ZFPM2: variants seen among roughly 807,000 people sequenced by gnomAD.
ZFPM2 encodes the protein zinc finger protein, FOG family member 2.
ZFPM2 carries 20 observed loss-of-function variants against 98.6 expected under a neutral mutation model. The observed-to-expected ratio is 0.20, with a 90% CI of 0.14 to 0.29. The LOEUF (loss-of-function observed/expected upper bound fraction) is 0.29, where lower values mean the gene tolerates loss of function less well. Ranked by LOEUF, ZFPM2 falls within the 10% of genes least tolerant of loss-of-function variation. The pLI is 1.00. For missense variants in ZFPM2, 1,310 were observed against 1,388.6 expected (o/e 0.94, Z 0.90); for synonymous variants, 518 against 502.7 (o/e 1.03, Z -0.41).
chr8:105,775,081 A>G (rs1232179517), intron 5 of ZFPM2, among the ~76,000 whole-genome samples: 15 of 150,720 alleles, frequency 1.0e-4, no homozygotes, highest in African/African-American at 3.6e-4. Flanking sequence ...TGGAATTAAA[A>G]AAAAAAAAAA....
intron 5 of ZFPM2, among the ~76,000 whole-genome samples, chr8:105,726,719 C>T (rs1250817766): frequency 6.6e-6 from 1 of 151,654 alleles, no homozygotes; most frequent in Non-Finnish European, 1.5e-5. Flanking sequence ...CTTAAGTTTC[C>T]AATGGATGGT....
chr8:105,347,420 C>A (rs1357258995), intron 1 of ZFPM2, among the ~76,000 whole-genome samples: 3 of 152,020 alleles, frequency 2.0e-5, no homozygotes, highest in Non-Finnish European at 2.9e-5. Flanking sequence ...TATCCATAAA[C>A]CTTAATGTGA....
intron 3 of ZFPM2, among the ~76,000 whole-genome samples, chr8:105,556,331 T>C (rs1056087297): frequency 1.3e-5 from 2 of 152,126 alleles, no homozygotes; most frequent in Admixed American, 1.3e-4. Context: ...CAATGAATGG[T>C]TGGATGTGAT....
chr8:105,436,483 G>T (rs545455134), intron 2 of ZFPM2, among the ~76,000 whole-genome samples: 1 of 147,080 alleles, frequency 6.8e-6, no homozygotes, highest in African/African-American at 2.5e-5. Flanking sequence ...TTGCACTCCA[G>T]CCTGGGCAAC....
chr8:105,347,478 C>A (rs1472018501), intron 1 of ZFPM2, among the ~76,000 whole-genome samples: 1 of 152,004 alleles, frequency 6.6e-6, no homozygotes, highest in African/African-American at 2.4e-5. Context: ...TCAGACAAAG[C>A]CCCAGTTCAG....
At chr8:105,417,015 G>A (rs115622288) in intron 1 of ZFPM2, among the ~76,000 whole-genome samples, 129 of 152,108 alleles carry the variant, frequency 8.5e-4, no homozygotes, top group Middle Eastern at 3.4e-3. Context: ...AAAATCTCTT[G>A]ACTCATGCCT....
chr8:105,380,231 C>A (rs1291655840), intron 1 of ZFPM2, among the ~76,000 whole-genome samples: 1 of 151,982 alleles, frequency 6.6e-6, no homozygotes, highest in Non-Finnish European at 1.5e-5. Flanking sequence ...TTCTAACACA[C>A]AGTAATGCCA....
intron 3 of ZFPM2, among the ~76,000 whole-genome samples, chr8:105,527,786 T>C (rs1814207603): frequency 6.6e-6 from 1 of 152,196 alleles, no homozygotes; most frequent in African/African-American, 2.4e-5. Context: ...GGACACATTC[T>C]GTGTTTTAAA....
At chr8:105,628,004 G>A (rs1816689998) in intron 4 of ZFPM2, among the ~76,000 whole-genome samples, 1 of 152,190 alleles carries the variant, frequency 6.6e-6, no homozygotes, top group Non-Finnish European at 1.5e-5. Flanking sequence ...GTGGGATTCA[G>A]TAAATGCTTT....
At chr8:105,675,934 A>T (rs1295102452) in intron 5 of ZFPM2, 1 of 152,206 alleles carries the variant, frequency 6.6e-6, no homozygotes, top group Non-Finnish European at 1.5e-5. Flanking sequence ...AAAGTCACAC[A>T]GTTAGCAAAA....
chr8:105,656,120 C>G (rs568719220), intron 5 of ZFPM2, among the ~76,000 whole-genome samples: 98 of 151,896 alleles, frequency 6.5e-4, no homozygotes, highest in African/African-American at 2.3e-3. Context: ...AATAGTAAAC[C>G]GATTCAAAAG....
chr8:105,670,358 C>T (rs1425257515), intron 5 of ZFPM2, among the ~76,000 whole-genome samples: 6 of 151,778 alleles, frequency 4.0e-5, no homozygotes, highest in Admixed American at 6.6e-5. Flanking sequence ...TAGCTGGGCG[C>T]GGTGGCGGGC....
chr8:105,647,640 T>C (rs1193669780), intron 5 of ZFPM2, among the ~76,000 whole-genome samples: 1 of 152,064 alleles, frequency 6.6e-6, no homozygotes, highest in Non-Finnish European at 1.5e-5. Context: ...CAGTTTTTTG[T>C]CTTTGCGATA....
chr8:105,564,888 A>G (rs1815212409), intron 4 of ZFPM2, among the ~76,000 whole-genome samples: 1 of 152,116 alleles, frequency 6.6e-6, no homozygotes, highest in Non-Finnish European at 1.5e-5. Flanking sequence ...GAGTTTTGTT[A>G]CCTCTCATAA....
chr8:105,536,110 T>G (rs2130609400), intron 3 of ZFPM2, among the ~76,000 whole-genome samples: 1 of 152,304 alleles, frequency 6.6e-6, no homozygotes, highest in Admixed American at 6.5e-5. Flanking sequence ...ACAAAAATTC[T>G]ATGTAATAAT....
intron 3 of ZFPM2, among the ~76,000 whole-genome samples, chr8:105,453,626 T>TTTTTG (rs1276906983): frequency 3.2e-4 from 48 of 151,940 alleles, no homozygotes; most frequent in Admixed American, 3.1e-3. Context: ...TCTGGAGTTT[T>TTTTTG]TTTTGTTTTG....
chr8:105,370,317 A>G (rs1218064992), intron 1 of ZFPM2, among the ~76,000 whole-genome samples: 1 of 152,202 alleles, frequency 6.6e-6, no homozygotes, highest in Non-Finnish European at 1.5e-5. Flanking sequence ...ACATTTTTTA[A>G]GGGAGGTAAC....
intron 3 of ZFPM2, among the ~76,000 whole-genome samples, chr8:105,529,919 C>T (rs1319718164): frequency 9.2e-5 from 14 of 151,826 alleles, no homozygotes; most frequent in South Asian, 2.1e-4. Context: ...TTAGTAGAGA[C>T]GGGGTTTCAC....
intron 1 of ZFPM2, among the ~76,000 whole-genome samples, chr8:105,406,168 G>A (rs1811454169): frequency 6.6e-6 from 1 of 152,000 alleles, no homozygotes; most frequent in South Asian, 2.1e-4. Context: ...TGTAGATTCT[G>A]GATATTAGCC....
Sources: gnomAD v4.1 joint callset for allele counts (sites outside exome capture counted in the v4.1 genomes callset) on GRCh38, gnomAD v4.1.1 for gene constraint, MANE v1.5 for transcripts, NCBI Gene and HGNC (gene_info 2026-07-23, HGNC 2026-07-21) for gene names.